Variants in SH3RF1 observed in about 807,000 individuals in gnomAD.
SH3RF1 encodes E3 ubiquitin-protein ligase SH3RF1.
Under a neutral mutation model 74.0 loss-of-function variants are expected in SH3RF1, and 32 were observed. The ratio of observed to expected loss-of-function variants is 0.43; its 90% CI spans 0.33 to 0.58. The LOEUF (loss-of-function observed/expected upper bound fraction) is 0.58. Among genes scored for constraint, SH3RF1 ranks in the 20% least tolerant of loss-of-function variants. The probability of loss-of-function intolerance (pLI) is 0.05; values close to 1 mark genes in which losing one functional copy is unlikely to be tolerated. For synonymous variants in SH3RF1, 396 were observed against 439.6 expected (o/e 0.90, Z 1.24); for missense variants, 954 against 1,130.9 (o/e 0.84, Z 2.24).
At chr4:169,130,244 T>A (rs7690288) in intron 5 of SH3RF1, 88 bp from the exon 6 acceptor site, 1 of 763,230 alleles carries the variant, frequency 1.3e-6, no homozygotes, top group Non-Finnish European at 1.9e-6. Context: ...CAAGTCACAT[T>A]AAAAAAAAAA....
In SH3RF1 at chr4:169,161,908, G is replaced by A. The variant is rs1579113585; in HGVS notation, c.394-5229C>T. On this transcript the variant is annotated intron_variant, in intron 2 of 11. Coordinates refer to ENST00000284637, the MANE Select transcript of SH3RF1 (RefSeq NM_020870.4). ...TAAAAATATCTTTTGGGTCAGGCAC[G>A]GTAGCTCACACCTGTAATCCCAGCA... 2.0e-5 allele frequency among the ~76,000 whole-genome samples: 3 copies of A among 152,246 alleles called. No homozygotes were observed. In the South Asian group the frequency reaches 6.2e-4, roughly 32 times the overall value.
At position 169,136,547 on chromosome 4, in the gene SH3RF1, G is replaced by A. The variant is rs201323343; in HGVS notation, c.839C>T (p.Ser280Phe). 27 of 1,606,562 alleles carry A rather than the reference G, an allele frequency of 1.7e-5. No individual in the cohort carries two copies. Among genetic ancestry groups the A allele is most frequent in the Non-Finnish European group, 2.1e-5 (25 of 1,176,986 alleles). Residue 280 changes from serine (S) to phenylalanine (F), a missense_variant, in exon 5 of 12, where the codon TCC becomes TTC. Physicochemically the swap from Ser to Phe is radical, Grantham distance 155. Coordinates refer to ENST00000284637, the MANE Select transcript of SH3RF1 (RefSeq NM_020870.4). ...AGTGCTGCTCTGGGCTGCTGCCGAGGAACATTCTCCAGCATCAACTCCTGG... is the reference window on the plus strand; with the variant it reads ...AGTGCTGCTCTGGGCTGCTGCCGAGAAACATTCTCCAGCATCAACTCCTGG... Reference protein sequence around the residue: ...PVPGVDAGECSSAAAQSSTAP... With the variant: ...PVPGVDAGECFSAAAQSSTAP...
At chr4:169,210,915 T>A (rs1378408433) in intron 2 of SH3RF1, among the ~76,000 whole-genome samples, 1 of 152,238 alleles carries the variant, frequency 6.6e-6, no homozygotes, top group East Asian at 1.9e-4. Flanking sequence ...GACTTCCCGA[T>A]TTGCAAATTG....
chr4:169,259,444 T>C (rs367905852), intron 2 of SH3RF1, among the ~76,000 whole-genome samples: 1 of 152,088 alleles, frequency 6.6e-6, no homozygotes, highest in South Asian at 2.1e-4. Context: ...AAAATGGCTG[T>C]GTTTACAGCC....
chr4:169,234,955 C>T (rs975304928), intron 2 of SH3RF1, among the ~76,000 whole-genome samples: 9 of 152,144 alleles, frequency 5.9e-5, no homozygotes, highest in Non-Finnish European at 1.2e-4. Context: ...TGTCACCAGA[C>T]ATTACCAAAT....
rs201060822 is a variant in SH3RF1, at chr4:169,122,155, T to G, written c.1291A>C (p.Met431Leu). The change falls in exon 7 of 12, where the codon ATG (methionine) becomes CTG (leucine). Residue 431 changes from methionine to leucine, a missense_variant. Met to Leu is a conservative substitution (Grantham distance 15). Coordinates refer to ENST00000284637, the MANE Select transcript of SH3RF1 (RefSeq NM_020870.4). ...GCAATCTGGTCAGTGGATCCTGCCA[T>G]GGGCCTCGGTCCCATTCCAGCAGCA... ...AAAAGMGPRP[M>L]AGSTDQIAHL... 1.9e-6 allele frequency: 3 copies of G among 1,613,300 alleles called. No homozygotes were observed.
intron 10 of SH3RF1, among the ~76,000 whole-genome samples, chr4:169,108,843 C>A (rs998528667): frequency 6.6e-6 from 1 of 152,164 alleles, no homozygotes; most frequent in African/African-American, 2.4e-5. Context: ...CAGGGCCCTA[C>A]ACCTACTAAA....
chr4:169,136,196 A>G (rs1393099423), intron 5 of SH3RF1, 122 bp downstream of exon 5: 1 of 1,108,498 alleles, frequency 9.0e-7, no homozygotes, highest in Non-Finnish European at 1.2e-6. Flanking sequence ...TGCTTCCCAG[A>G]AAAGTTACTA....
At chr4:169,236,244 A>AT (rs1363057711) in intron 2 of SH3RF1, among the ~76,000 whole-genome samples, 1 of 152,204 alleles carries the variant, frequency 6.6e-6, no homozygotes, top group African/African-American at 2.4e-5. Context: ...GGACAATGAA[A>AT]TGTGGGAAGT....
intron 5 of SH3RF1, among the ~76,000 whole-genome samples, chr4:169,130,985 TAC>T: frequency 6.6e-6 from 1 of 152,334 alleles, no homozygotes; most frequent in East Asian, 1.9e-4. Flanking sequence ...GGTTGGCTGG[TAC>T]CTGCCTCCCT....
At chr4:169,260,983 A>G (rs1579168778) in intron 2 of SH3RF1, among the ~76,000 whole-genome samples, 1 of 152,332 alleles carries the variant, frequency 6.6e-6, no homozygotes, top group East Asian at 1.9e-4. Flanking sequence ...TACTCCACTC[A>G]CTTATTCACT....
At position 169,196,777 on chromosome 4, in the gene SH3RF1, G is replaced by A. The variant is rs557047852; in HGVS notation, c.394-40098C>T. On this transcript the variant is annotated intron_variant, in intron 2 of 11. Transcript: ENST00000284637. ...ATTACTTGCTCTACCATTACAGAAA[G>A]CTCCTGGCCCTATGTTTCATTTTAA... Among the ~76,000 whole-genome samples, 3 of 152,206 alleles carry A rather than the reference G, an allele frequency of 2.0e-5. No homozygotes were observed. In the East Asian group the frequency reaches 5.8e-4, roughly 29 times the overall value.
intron 2 of SH3RF1, among the ~76,000 whole-genome samples, chr4:169,255,900 TGA>T (rs1731185961): frequency 6.6e-6 from 1 of 152,064 alleles, no homozygotes; most frequent in Non-Finnish European, 1.5e-5. Flanking sequence ...CTGAAGTTGC[TGA>T]GAGAGCAGGC....
intron 4 of SH3RF1, among the ~76,000 whole-genome samples, chr4:169,141,425 G>C (rs928703753): frequency 3.9e-5 from 6 of 152,140 alleles, no homozygotes; most frequent in African/African-American, 1.4e-4. Flanking sequence ...CATATCCATA[G>C]GGTAAACTCC....
intron 5 of SH3RF1, among the ~76,000 whole-genome samples, chr4:169,131,675 G>A (rs1384854885): frequency 6.6e-6 from 1 of 152,160 alleles, no homozygotes; most frequent in African/African-American, 2.4e-5. Flanking sequence ...TGGACCAAAG[G>A]CAACTTTGCA....
chr4:169,114,952 G>A (rs1733306993), intron 10 of SH3RF1, among the ~76,000 whole-genome samples: 2 of 151,964 alleles, frequency 1.3e-5, no homozygotes, highest in South Asian at 4.2e-4. Context: ...AGAACTTCAG[G>A]GGAAATGTGT....
At chr4:169,187,516 CTGTGTGTGTG>C (rs60705711) in intron 2 of SH3RF1, among the ~76,000 whole-genome samples, 27,820 of 143,916 alleles carry the variant, frequency 0.19, 2,838 homozygotes, top group Non-Finnish European at 0.24. Context: ...CAACGAATTT[CTGTGTGTGTG>C]TGTGTGTGTG....
intron 2 of SH3RF1, among the ~76,000 whole-genome samples, chr4:169,187,506 C>G (rs1734627325): frequency 6.8e-6 from 1 of 146,238 alleles, no homozygotes; most frequent in African/African-American, 2.6e-5. Flanking sequence ...ATTTTCTTTA[C>G]AACGAATTTC....
chr4:169,127,869 C>T (rs773205387), intron 6 of SH3RF1, among the ~76,000 whole-genome samples: 18 of 152,156 alleles, frequency 1.2e-4, no homozygotes, highest in Non-Finnish European at 2.4e-4. Flanking sequence ...TTGAATATCC[C>T]TTATCCAAAT....
Sources: allele counts gnomAD v4.1 joint callset (sites outside exome capture counted in the v4.1 genomes callset), GRCh38; gene constraint gnomAD v4.1.1; transcripts MANE v1.5; gene names NCBI Gene and HGNC (gene_info 2026-07-23, HGNC 2026-07-21).